ITCH: variants seen among roughly 807,000 people sequenced by gnomAD.
The protein encoded by ITCH is itchy E3 ubiquitin protein ligase.
A neutral mutation model predicts 126.8 loss-of-function variants in ITCH; 28 were observed. The observed-to-expected ratio is 0.22, with a 90% CI of 0.16 to 0.30. ITCH has a LOEUF of 0.30. ITCH is among the 10% of genes least tolerant of loss of function. ITCH has a pLI of 1.00. For missense variants in ITCH, 631 were observed against 1,032.4 expected, an observed-to-expected ratio of 0.61 and a Z score of 5.33; for synonymous variants, 342 against 340.0, an observed-to-expected ratio of 1.01 and a Z score of -0.06.
intron 2 of ITCH, among the ~76,000 whole-genome samples, chr20:34,377,579 T>C (rs2037894112): frequency 6.6e-6 from 1 of 151,618 alleles, no homozygotes; most frequent in Non-Finnish European, 1.5e-5. Flanking sequence ...AGATAACTGA[T>C]ATGGCTGGGC....
chr20:34,460,353 T>G (rs974125148), intron 13 of ITCH, among the ~76,000 whole-genome samples: 4 of 127,032 alleles, frequency 3.1e-5, no homozygotes, highest in Non-Finnish European at 6.8e-5. Flanking sequence ...CACACCCAGC[T>G]TTTTTTTTTT....
Position 34,507,809 on chromosome 20 carries a change from C to A in ITCH, c.*15C>A. ...GACAAGAGTAACTTCTGAGAACTTGCACCATGAATGGGCAAGAACTTATTT... is the reference window on the plus strand; with the variant it reads ...GACAAGAGTAACTTCTGAGAACTTGAACCATGAATGGGCAAGAACTTATTT... On this transcript the variant is annotated 3_prime_UTR_variant, in exon 25 of 25. Transcript: ENST00000374864. 1 of 1,581,246 alleles carries A rather than the reference C, an allele frequency of 6.3e-7. No homozygotes were observed. The highest frequency in any genetic ancestry group is 1.7e-5 in the Admixed American group (1 of 59,970).
chr20:34,365,968 A>G (rs894213402), intron 1 of ITCH, among the ~76,000 whole-genome samples: 5 of 152,162 alleles, frequency 3.3e-5, no homozygotes, highest in African/African-American at 4.8e-5. Context: ...TTGAGACGAA[A>G]GAGGAAGTGG....
chr20:34,370,020 A>G (rs1277088202), intron 2 of ITCH, among the ~76,000 whole-genome samples: 2 of 151,444 alleles, frequency 1.3e-5, no homozygotes, highest in African/African-American at 4.9e-5. Flanking sequence ...TGGGAGGATC[A>G]CTTGAGCCAG....
At chr20:34,380,860 TCA>T (rs2038034165) in intron 2 of ITCH, among the ~76,000 whole-genome samples, 1 of 152,084 alleles carries the variant, frequency 6.6e-6, no homozygotes, top group African/African-American at 2.4e-5. Context: ...CAATCGTGGC[TCA>T]CTGTAATCTC....
intron 7 of ITCH, among the ~76,000 whole-genome samples, chr20:34,430,427 T>A (rs1334175677): frequency 6.6e-6 from 1 of 152,150 alleles, no homozygotes; most frequent in Non-Finnish European, 1.5e-5. Flanking sequence ...TACGGAATTT[T>A]TTTTTTTTAA....
intron 2 of ITCH, among the ~76,000 whole-genome samples, chr20:34,375,216 T>C (rs2037790869): frequency 6.6e-6 from 1 of 151,954 alleles, no homozygotes. Flanking sequence ...TAATTTTGTA[T>C]TTTTAGCAGA....
rs79211800 is a variant in ITCH at position 34,401,401 on chromosome 20, T to A, written c.71-7250T>A. On this transcript the variant is annotated intron_variant, in intron 3 of 24. Coordinates refer to ENST00000374864, the MANE Select transcript of ITCH (RefSeq NM_031483.7). The stretch of plus-strand genomic sequence containing the variant: ...GTGAAAGAAGTTAAGAAATTAACTT[T>A]CCAAAAAAATCAGCAAATGGCAAGC... Among the ~76,000 whole-genome samples, 70 of 152,238 alleles carry A rather than the reference T, an allele frequency of 4.6e-4. No individual in the cohort carries two copies. In the East Asian group the frequency reaches 0.013, roughly 29 times the overall value.
At chr20:34,507,211 G>A (rs1486910908) in intron 24 of ITCH, among the ~76,000 whole-genome samples, 1 of 151,026 alleles carries the variant, frequency 6.6e-6, no homozygotes, top group Non-Finnish European at 1.5e-5. Flanking sequence ...TAGTGCAGAG[G>A]GGCTCCAATT....
At chr20:34,456,039 A>G (rs1056187702) in intron 12 of ITCH, among the ~76,000 whole-genome samples, 2 of 151,054 alleles carry the variant, frequency 1.3e-5, no homozygotes, top group African/African-American at 4.9e-5. Flanking sequence ...AGTATTTTTT[A>G]GTTGAATAAT....
At chr20:34,496,752 G>A (rs866409835) in intron 23 of ITCH, among the ~76,000 whole-genome samples, 4 of 146,848 alleles carry the variant, frequency 2.7e-5, no homozygotes, top group Non-Finnish European at 6.0e-5. Context: ...GAGGTGAGCC[G>A]AGATCGTGCC....
At chr20:34,458,531 T>A (rs1394400623) in intron 13 of ITCH, among the ~76,000 whole-genome samples, 1 of 152,184 alleles carries the variant, frequency 6.6e-6, no homozygotes, top group Non-Finnish European at 1.5e-5. Context: ...CTAGGGCGCC[T>A]TAACAAAGTA....
chr20:34,487,604 T>C (rs980974568), intron 20 of ITCH, among the ~76,000 whole-genome samples: 4 of 152,182 alleles, frequency 2.6e-5, no homozygotes, highest in African/African-American at 9.7e-5. Flanking sequence ...TATGCATCTT[T>C]AACATCCCTG....
chr20:34,421,779 G>A (rs1053916398), intron 6 of ITCH, among the ~76,000 whole-genome samples: 1 of 152,142 alleles, frequency 6.6e-6, no homozygotes, highest in African/African-American at 2.4e-5. Context: ...AAGCCAAGGC[G>A]GGAGGATCAC....
chr20:34,401,532 C>A, intron 3 of ITCH: 1 of 399,670 alleles, frequency 2.5e-6, no homozygotes, highest in Non-Finnish European at 3.4e-6. Flanking sequence ...TGGATCTACT[C>A]AAGGGTGGAG....
chr20:34,481,508 T>C (rs1429789108), intron 20 of ITCH, among the ~76,000 whole-genome samples: 1 of 152,150 alleles, frequency 6.6e-6, no homozygotes, highest in Non-Finnish European at 1.5e-5. Context: ...TGGGGAATAT[T>C]GTAAGGTGTA....
In ITCH at chr20:34,449,600, G is replaced by A. The variant is rs866425500; in HGVS notation, c.1210+120G>A. ...GTGCTCTTGCTTGAGTGAATGTCTG[G>A]GAAGTTTTTTTTTAATATATATATC... On this transcript the variant is annotated intron_variant, in intron 12 of 24. Transcript: ENST00000374864. The A allele has an allele frequency of 4.0e-5, 29 of 718,246 alleles. No homozygotes were observed. The African/African-American group carries it at 4.3e-4, about 11-fold the overall frequency. 44.5% of individuals were successfully genotyped at this position (718,246 alleles called of 1,614,324 possible).
At chr20:34,403,397 T>C (rs2038951812) in intron 3 of ITCH, among the ~76,000 whole-genome samples, 1 of 152,078 alleles carries the variant, frequency 6.6e-6, no homozygotes. Flanking sequence ...AGTATGTGGG[T>C]ATGTGTGAGA....
chr20:34,418,397 C>T (rs1440614856), intron 6 of ITCH, among the ~76,000 whole-genome samples: 1 of 152,036 alleles, frequency 6.6e-6, no homozygotes, highest in Non-Finnish European at 1.5e-5. Context: ...GGTTCTTATT[C>T]TATGCATTCC....
Sources: gnomAD v4.1 joint callset for allele counts (sites outside exome capture counted in the v4.1 genomes callset) on GRCh38, gnomAD v4.1.1 for gene constraint, MANE v1.5 for transcripts, NCBI Gene and HGNC (gene_info 2026-07-23, HGNC 2026-07-21) for gene names.